Variants in FRAS1 observed in about 807,000 individuals in gnomAD.
FRAS1 encodes extracellular matrix organizing protein FRAS1.
FRAS1 carries 290 observed loss-of-function variants against 435.2 expected under a neutral mutation model. That is an observed-to-expected ratio of 0.67 (90% CI 0.61 to 0.73). The LOEUF is 0.73. Among genes scored for constraint, FRAS1 ranks in the 30% least tolerant of loss-of-function variants. The pLI is 0.00. For missense variants in FRAS1, 4,860 were observed against 5,001.5 expected (o/e 0.97, Z 0.85); for synonymous variants, 1,800 against 1,851.0 (o/e 0.97, Z 0.71).
intron 2 of FRAS1, among the ~76,000 whole-genome samples, chr4:78,220,492 G>A (rs144204005): frequency 6.6e-6 from 1 of 152,140 alleles, no homozygotes; most frequent in Non-Finnish European, 1.5e-5. Context: ...CCACAATGTC[G>A]AGGTTGAGAC....
chr4:78,315,749 A>G lies in FRAS1; in HGVS notation c.1819+15A>G, dbSNP rs1729218827. 23 of 1,613,630 alleles carry G rather than the reference A, an allele frequency of 1.4e-5. No individual in the cohort carries two copies. The highest frequency in any genetic ancestry group is 1.9e-5 in the Non-Finnish European group (22 of 1,179,574). On this transcript the variant is annotated intron_variant, in intron 16 of 73. Coordinates refer to ENST00000512123, the MANE Select transcript of FRAS1 (RefSeq NM_025074.7). ...CAGGTGCAAAGGTAAGAGATGGGTC[A>G]CCATCATCATCATCAAAAAGTATTG...
At chr4:78,130,968 C>T (rs1004064002) in intron 2 of FRAS1, among the ~76,000 whole-genome samples, 7 of 152,164 alleles carry the variant, frequency 4.6e-5, no homozygotes, top group African/African-American at 1.7e-4. Flanking sequence ...TTTCCACTAG[C>T]CATCAAGCTG....
At position 78,452,208 on chromosome 4, in the gene FRAS1, A is replaced by G; in HGVS notation, c.6617A>G (p.Lys2206Arg). Residue 2206 changes from lysine to arginine, a missense_variant, in exon 47 of 74, where the codon AAA becomes AGA. Transcript: ENST00000512123. ...TCCCCACCAGTCATCACCACCAATA[A>G]AGGACTGGTCTTGGATGAAAACTCA... is the stretch of plus-strand genomic sequence containing the variant. ...DKSPPVITTN[K>R]GLVLDENSVK... The G allele has an allele frequency of 6.2e-7, 1 of 1,613,736 alleles. No homozygotes were observed. The highest frequency in any genetic ancestry group is 8.5e-7 in the Non-Finnish European group (1 of 1,179,678).
intron 2 of FRAS1, among the ~76,000 whole-genome samples, chr4:78,162,579 A>G (rs942455558): frequency 1.3e-5 from 2 of 152,168 alleles, no homozygotes; most frequent in Non-Finnish European, 2.9e-5. Flanking sequence ...CAAAAACACA[A>G]ATCTATCTCA....
chr4:78,157,927 A>C (rs993754637), intron 2 of FRAS1, among the ~76,000 whole-genome samples: 2 of 152,262 alleles, frequency 1.3e-5, no homozygotes, highest in African/African-American at 4.8e-5. Context: ...CTGAATGGGA[A>C]ATCCTTACCC....
In FRAS1 at chr4:78,531,565, A is replaced by T. The variant is rs988992348; in HGVS notation, c.10926-2884A>T. On this transcript the variant is annotated intron_variant, in intron 70 of 73. Transcript: ENST00000512123. ...TTAGCATAAAGGGCTGTTGTATTTT[A>T]TCGTAGGCCTTTTCTTCCTCTCGCC... Among the ~76,000 whole-genome samples, 9 of 152,210 alleles carry T rather than the reference A, an allele frequency of 5.9e-5. 1 individual carries two copies. The highest frequency in any genetic ancestry group is 3.9e-4 in the East Asian group (2 of 5,178).
rs761255686 is a variant in FRAS1 at position 78,438,974 on chromosome 4, C to T, written c.5439C>T (p.Asp1813=). 2.5e-6 allele frequency: 4 copies of T among 1,612,942 alleles called. No individual in the cohort carries two copies. In the East Asian group the frequency reaches 8.9e-5, roughly 36 times the overall value. ...DSFYFSVSDM[D]HNHLDNQIFT... ...TCTATTTCTCTGTCTCTGACATGGA[C>T]CACAACCATCTGGATAATCAGATAT... The change falls in exon 40 of 74, where the codon GAC becomes GAT. Residue 1813 remains aspartate, a synonymous_variant. Transcript: ENST00000512123.
rs1016207278 is a variant in FRAS1 at position 78,471,368 on chromosome 4, T to TA, written c.7372-804dup. Among the ~76,000 whole-genome samples the TA allele has an allele frequency of 5.9e-5, 9 of 151,988 alleles. No homozygotes were observed. In the East Asian group the frequency reaches 7.7e-4, roughly 13 times the overall value. ...GCTTCTAATTGAACTGGTTGGGTTTTAAAAAAAACAAACAAACATGAATTA... is the reference window on the plus strand; with the variant it reads ...GCTTCTAATTGAACTGGTTGGGTTTTAAAAAAAAACAAACAAACATGAATTA... On this transcript the variant is annotated intron_variant, in intron 51 of 73. Transcript: ENST00000512123.
At chr4:78,209,642 ATTTTCTGCCC>A (rs1432366249) in intron 2 of FRAS1, among the ~76,000 whole-genome samples, 1 of 151,758 alleles carries the variant, frequency 6.6e-6, no homozygotes, top group Non-Finnish European at 1.5e-5. Flanking sequence ...TGAGCCATCT[ATTTTCTGCCC>A]TTTTCTCTGA....
At chr4:78,291,279 C>T (rs564630358) in intron 14 of FRAS1, among the ~76,000 whole-genome samples, 35 of 152,192 alleles carry the variant, frequency 2.3e-4, no homozygotes, top group African/African-American at 7.2e-4. Flanking sequence ...TTCCATGGAC[C>T]GGGGAGCTGG....
chr4:78,423,185 A>G (rs1017576725), intron 34 of FRAS1, among the ~76,000 whole-genome samples: 19 of 148,132 alleles, frequency 1.3e-4, no homozygotes, highest in African/African-American at 4.5e-4. Context: ...TTTTTTTTTT[A>G]AGATGGAGTC....
chr4:78,289,291 T>C (rs1459435760), intron 14 of FRAS1, among the ~76,000 whole-genome samples: 1 of 152,162 alleles, frequency 6.6e-6, no homozygotes, highest in Non-Finnish European at 1.5e-5. Context: ...AACACAAACA[T>C]GCATATAAAC....
chr4:78,374,006 C>T, intron 24 of FRAS1, 105 bp from the exon 25 acceptor site: 1 of 1,114,878 alleles, frequency 9.0e-7, no homozygotes, highest in South Asian at 2.2e-5. Flanking sequence ...TTGCCCAGTA[C>T]ACTAGGCTGT....
At chr4:78,120,478 CA>C (rs1718944858) in intron 2 of FRAS1, among the ~76,000 whole-genome samples, 1 of 152,194 alleles carries the variant, frequency 6.6e-6, no homozygotes, top group African/African-American at 2.4e-5. Flanking sequence ...GCTCTCTATA[CA>C]GGCATGACAG....
chr4:78,329,149 G>A (rs1429873426), intron 18 of FRAS1, among the ~76,000 whole-genome samples: 1 of 152,210 alleles, frequency 6.6e-6, no homozygotes, highest in Admixed American at 6.5e-5. Context: ...ATCCAGAGTT[G>A]TGTTAAGCCT....
chr4:78,068,522 G>A (rs1210893524), intron 2 of FRAS1: 3 of 456,174 alleles, frequency 6.6e-6, no homozygotes, highest in South Asian at 1.5e-5. Flanking sequence ...AGCATGGTGA[G>A]CCTTGTGCAG....
intron 2 of FRAS1, among the ~76,000 whole-genome samples, chr4:78,128,713 G>A (rs75976519): frequency 0.22 from 32,900 of 151,820 alleles, 3,872 homozygotes; most frequent in Admixed American, 0.29. Flanking sequence ...TTGCCTGTTC[G>A]CTCTGATGGT....
chr4:78,243,990 G>T (rs1725122903), intron 3 of FRAS1, among the ~76,000 whole-genome samples: 2 of 151,978 alleles, frequency 1.3e-5, no homozygotes, highest in Non-Finnish European at 2.9e-5. Context: ...GGGTTCAGAG[G>T]ACACTTTTCT....
At chr4:78,456,129 C>T (rs1053068907) in intron 47 of FRAS1, among the ~76,000 whole-genome samples, 4 of 131,188 alleles carry the variant, frequency 3.0e-5, no homozygotes, top group South Asian at 4.8e-4. Flanking sequence ...ACTTGAAGAA[C>T]ACATGTCACT....
Sources: gnomAD v4.1 joint callset for allele counts (sites outside exome capture counted in the v4.1 genomes callset) on GRCh38, gnomAD v4.1.1 for gene constraint, MANE v1.5 for transcripts, NCBI Gene and HGNC (gene_info 2026-07-23, HGNC 2026-07-21) for gene names.